SHISA6: variants seen among roughly 807,000 people sequenced by gnomAD.
SHISA6 encodes the protein protein shisa-6.
In SHISA6, 22 loss-of-function variants were observed where a neutral mutation model predicts 47.9. That is an observed-to-expected ratio of 0.46 (90% CI 0.33 to 0.66). SHISA6 has a LOEUF of 0.66. Ranked by LOEUF, SHISA6 falls within the 30% of genes least tolerant of loss-of-function variation. The pLI is 0.02. For synonymous variants in SHISA6, 388 were observed against 337.8 expected (o/e 1.15, Z -1.63); for missense variants, 680 against 764.6 (o/e 0.89, Z 1.30).
chr17:11,501,031 A>G (rs890427479), intron 3 of SHISA6, among the ~76,000 whole-genome samples: 6 of 152,326 alleles, frequency 3.9e-5, no homozygotes, highest in African/African-American at 1.4e-4. Context: ...CCATGAATAC[A>G]TAGCCTGTAA....
intron 3 of SHISA6, among the ~76,000 whole-genome samples, chr17:11,528,755 C>T (rs572446299): frequency 6.6e-6 from 1 of 152,124 alleles, no homozygotes; most frequent in Non-Finnish European, 1.5e-5. Flanking sequence ...TGCTTTTGGG[C>T]AACAGACTCC....
chr17:11,253,643 T>C (rs1200953738), intron 1 of SHISA6, among the ~76,000 whole-genome samples: 1 of 152,242 alleles, frequency 6.6e-6, no homozygotes, highest in Non-Finnish European at 1.5e-5. Context: ...TTATTTCTAC[T>C]GAATTGGTGA....
chr17:11,340,444 G>A (rs1001155545), intron 2 of SHISA6, among the ~76,000 whole-genome samples: 2 of 152,306 alleles, frequency 1.3e-5, no homozygotes, highest in Non-Finnish European at 2.9e-5. Context: ...AGCTTCCTAA[G>A]TGTTCCAAGA....
intron 1 of SHISA6, among the ~76,000 whole-genome samples, chr17:11,260,594 C>T (rs1009905593): frequency 2.2e-4 from 34 of 151,994 alleles, no homozygotes; most frequent in African/African-American, 7.2e-4. Flanking sequence ...GGCTTACTCT[C>T]CCTCTTGCTC....
chr17:11,425,784 T>G (rs1914595228), intron 3 of SHISA6, among the ~76,000 whole-genome samples: 1 of 152,222 alleles, frequency 6.6e-6, no homozygotes, highest in South Asian at 2.1e-4. Context: ...AGATGGTGGT[T>G]GTAGCCAGAT....
At chr17:11,371,180 G>A (rs189834708) in intron 2 of SHISA6, among the ~76,000 whole-genome samples, 4 of 152,272 alleles carry the variant, frequency 2.6e-5, no homozygotes, top group African/African-American at 7.2e-5. Flanking sequence ...AGTTTACCTC[G>A]GTAAGAGCAA....
chr17:11,413,244 G>T (rs1914185810), intron 3 of SHISA6, among the ~76,000 whole-genome samples: 1 of 152,178 alleles, frequency 6.6e-6, no homozygotes, highest in Non-Finnish European at 1.5e-5. Flanking sequence ...GACTTTCGAT[G>T]ATACGTCATT....
intron 1 of SHISA6, among the ~76,000 whole-genome samples, chr17:11,257,120 G>C (rs1379375416): frequency 1.3e-5 from 2 of 152,318 alleles, no homozygotes; most frequent in African/African-American, 4.8e-5. Flanking sequence ...GAGCCTCTCT[G>C]TATGAGGAGA....
At chr17:11,275,733 C>T (rs1161894357) in intron 2 of SHISA6, among the ~76,000 whole-genome samples, 1 of 152,080 alleles carries the variant, frequency 6.6e-6, no homozygotes, top group East Asian at 1.9e-4. Flanking sequence ...GTGTTTAGGG[C>T]AGAAGTGAAA....
chr17:11,354,500 A>G, intron 2 of SHISA6, among the ~76,000 whole-genome samples: 1 of 152,214 alleles, frequency 6.6e-6, no homozygotes, highest in Non-Finnish European at 1.5e-5. Context: ...CTCATGTTCC[A>G]TTCTCCACAT....
At chr17:11,384,926 G>T (rs1011608348) in intron 3 of SHISA6, among the ~76,000 whole-genome samples, 5 of 152,216 alleles carry the variant, frequency 3.3e-5, no homozygotes, top group Admixed American at 6.5e-5. Context: ...TTGTAGGAGC[G>T]ATTGCCCGTT....
intron 3 of SHISA6, among the ~76,000 whole-genome samples, chr17:11,394,998 C>CTTTTTTTTTTT (rs772109588): frequency 5.3e-5 from 5 of 95,098 alleles, no homozygotes; most frequent in African/African-American, 1.2e-4. Context: ...TTTTTCTTTT[C>CTTTTTTTTTTT]TTTTTTTTTT....
intron 2 of SHISA6, among the ~76,000 whole-genome samples, chr17:11,318,011 A>C (rs1910581970): frequency 6.6e-6 from 1 of 152,120 alleles, no homozygotes; most frequent in Admixed American, 6.5e-5. Flanking sequence ...GCATTGGATT[A>C]TTTTGCAGCA....
chr17:11,389,436 G>A (rs1402502395), intron 3 of SHISA6, among the ~76,000 whole-genome samples: 1 of 152,224 alleles, frequency 6.6e-6, no homozygotes, highest in Admixed American at 6.5e-5. Context: ...ATGGCCCCCG[G>A]TAGGGAGCAA....
intron 2 of SHISA6, among the ~76,000 whole-genome samples, chr17:11,350,273 G>A (rs947020594): frequency 1.6e-5 from 1 of 64,176 alleles, no homozygotes; most frequent in Non-Finnish European, 3.0e-5. Flanking sequence ...TCCGCCTCCC[G>A]GGTTCACGCC....
intron 3 of SHISA6, among the ~76,000 whole-genome samples, chr17:11,496,487 C>T (rs1050736106): frequency 1.8e-4 from 28 of 152,186 alleles, no homozygotes; most frequent in African/African-American, 6.5e-4. Context: ...CGCCTGTAAT[C>T]CCAACACTTT....
intron 1 of SHISA6, among the ~76,000 whole-genome samples, chr17:11,243,231 A>G (rs1244816990): frequency 6.6e-6 from 1 of 151,548 alleles, no homozygotes; most frequent in Non-Finnish European, 1.5e-5. Context: ...TGCTGTGCAC[A>G]TTAATCACCC....
At chr17:11,468,653 C>G (rs376117241) in intron 3 of SHISA6, among the ~76,000 whole-genome samples, 1 of 152,246 alleles carries the variant, frequency 6.6e-6, no homozygotes, top group East Asian at 1.9e-4. Context: ...CTGTTTCTTT[C>G]AAAACAGAAA....
chr17:11,268,248 T>C (rs1908504162), intron 2 of SHISA6, among the ~76,000 whole-genome samples: 1 of 152,092 alleles, frequency 6.6e-6, no homozygotes, highest in African/African-American at 2.4e-5. Context: ...CAAAGCCATA[T>C]CCATTAATGG....
Sources: allele counts gnomAD v4.1 joint callset (sites outside exome capture counted in the v4.1 genomes callset), GRCh38; gene constraint gnomAD v4.1.1; transcripts MANE v1.5; gene names NCBI Gene and HGNC (gene_info 2026-07-23, HGNC 2026-07-21).